TSPAN9: variants seen among roughly 807,000 people sequenced by gnomAD.
TSPAN9 encodes the protein tetraspanin-9.
TSPAN9 carries 16 observed loss-of-function variants against 31.0 expected under a neutral mutation model. The ratio of observed to expected loss-of-function variants is 0.52; its 90% CI spans 0.35 to 0.78. The LOEUF (loss-of-function observed/expected upper bound fraction) is 0.78, where lower values mean the gene tolerates loss of function less well. Among genes scored for constraint, TSPAN9 ranks in the 30% least tolerant of loss-of-function variants. TSPAN9 has a pLI of 0.01. For synonymous variants in TSPAN9, 145 were observed against 121.6 expected, an observed-to-expected ratio of 1.19 and a Z score of -1.27; for missense variants, 272 against 312.5, an observed-to-expected ratio of 0.87 and a Z score of 0.98.
intron 2 of TSPAN9, among the ~76,000 whole-genome samples, chr12:3,154,546 G>A (rs1277745479): frequency 6.6e-6 from 1 of 152,182 alleles, no homozygotes; most frequent in Non-Finnish European, 1.5e-5. Flanking sequence ...AGCGATAACA[G>A]CCCAGGGTTG....
intron 2 of TSPAN9, among the ~76,000 whole-genome samples, chr12:3,128,572 C>A (rs909423687): frequency 6.6e-6 from 1 of 152,148 alleles, no homozygotes; most frequent in Non-Finnish European, 1.5e-5. Flanking sequence ...CCTGCCCCAA[C>A]AAAAGCCCCA....
At chr12:3,167,681 A>AAGTC (rs2098349257) in intron 2 of TSPAN9, among the ~76,000 whole-genome samples, 2 of 152,232 alleles carry the variant, frequency 1.3e-5, no homozygotes, top group African/African-American at 4.8e-5. Flanking sequence ...AAGTCCAGGC[A>AAGTC]ACTGCTGCCT....
intron 2 of TSPAN9, among the ~76,000 whole-genome samples, chr12:3,198,724 TCACCACCAGCACAGGC>T (rs2098369137): frequency 5.4e-4 from 1 of 1,856 alleles, no homozygotes; most frequent in Non-Finnish European, 1.5e-3. Flanking sequence ...CCAGCACAGC[TCACCACCAGCACAGGC>T]CACCACCAGC....
chr12:3,135,985 G>T (rs2153967327), intron 2 of TSPAN9, among the ~76,000 whole-genome samples: 1 of 152,286 alleles, frequency 6.6e-6, no homozygotes, highest in South Asian at 2.1e-4. Context: ...GGGTCCAGAA[G>T]CCGAGACCCA....
At chr12:3,278,720 G>T in intron 4 of TSPAN9, 108 bp downstream of exon 4, 1 of 1,435,838 alleles carries the variant, frequency 7.0e-7, no homozygotes, top group African/African-American at 1.4e-5. Context: ...TCCAACCTGA[G>T]CCCAGGGAAA....
In TSPAN9 at chr12:3,172,499, A is replaced by C. The variant is rs1432319881; in HGVS notation, c.-17-28678A>C. 6.6e-6 allele frequency: 1 copy of C among 152,172 alleles called. No individual in the cohort carries two copies. The highest frequency in any genetic ancestry group is 1.5e-5 in the Non-Finnish European group (1 of 68,028). The allele number at this position is 152,172 out of a possible 1,614,324, so 9.4% of individuals were successfully genotyped here. The stretch of plus-strand genomic sequence containing the variant: ...GGTGCTCGTGTCACTCACCGGGGGA[A>C]CTTAAACGCCGCTTGCTGAGTCCCA... On this transcript the variant is annotated intron_variant, in intron 2 of 8. Coordinates refer to ENST00000011898, the MANE Select transcript of TSPAN9 (RefSeq NM_006675.5). The surrounding 1 kb of genome is among the most constrained non-coding windows in gnomAD (Gnocchi z 4.8).
chr12:3,235,182 CAAAAAAAAAAAAAAAAAAAA>C (rs1175957854), intron 3 of TSPAN9, among the ~76,000 whole-genome samples: 11 of 10,990 alleles, frequency 1.0e-3, no homozygotes, highest in African/African-American at 4.0e-3. Flanking sequence ...GACTCCGTCT[CAAAAAAAAAAAAAAAAAAAA>C]AAAAAAAAAA....
At chr12:3,131,293 G>T (rs1189771647) in intron 2 of TSPAN9, among the ~76,000 whole-genome samples, 1 of 152,134 alleles carries the variant, frequency 6.6e-6, no homozygotes, top group Non-Finnish European at 1.5e-5. Context: ...GAGGTCACAT[G>T]CAAGCAAGCG....
intron 2 of TSPAN9, among the ~76,000 whole-genome samples, chr12:3,138,216 C>T (rs2098332979): frequency 6.6e-6 from 1 of 152,190 alleles, no homozygotes; most frequent in South Asian, 2.1e-4. Context: ...GCGGGTGTAG[C>T]TGGCACACCT....
chr12:3,157,201 G>T (rs2098342704), intron 2 of TSPAN9, among the ~76,000 whole-genome samples: 1 of 151,228 alleles, frequency 6.6e-6, no homozygotes, highest in Non-Finnish European at 1.5e-5. Flanking sequence ...CTGGGTTCAC[G>T]CCATTCTCCT....
intron 2 of TSPAN9, among the ~76,000 whole-genome samples, chr12:3,160,773 T>G (rs2098344674): frequency 6.6e-6 from 1 of 152,236 alleles, no homozygotes; most frequent in South Asian, 2.1e-4. Flanking sequence ...TTTGTTTATT[T>G]TAAAATTGGG....
At chr12:3,184,027 A>C (rs1468514607) in intron 2 of TSPAN9, among the ~76,000 whole-genome samples, 1 of 152,106 alleles carries the variant, frequency 6.6e-6, no homozygotes, top group Non-Finnish European at 1.5e-5. Flanking sequence ...GATTGAAGCC[A>C]GGGAAGGGAG....
intron 3 of TSPAN9, among the ~76,000 whole-genome samples, chr12:3,227,004 ACT>A (rs2098388217): frequency 6.7e-6 from 1 of 150,330 alleles, no homozygotes; most frequent in African/African-American, 2.5e-5. Context: ...TTAGTGAGAT[ACT>A]GAGTGCAGAG....
At chr12:3,230,840 C>A (rs898635045) in intron 3 of TSPAN9, among the ~76,000 whole-genome samples, 8 of 152,084 alleles carry the variant, frequency 5.3e-5, no homozygotes, top group Non-Finnish European at 7.4e-5. Context: ...GCTCACCTGT[C>A]CTCGGCCCCC....
chr12:3,128,072 G>A (rs1259455840), intron 2 of TSPAN9, among the ~76,000 whole-genome samples: 1 of 152,182 alleles, frequency 6.6e-6, no homozygotes, highest in African/African-American at 2.4e-5. Context: ...GTAATCTTAG[G>A]GGACCACTGT....
At chr12:3,080,168 ACT>A (rs2098297201) in intron 1 of TSPAN9, among the ~76,000 whole-genome samples, 1 of 150,854 alleles carries the variant, frequency 6.6e-6, no homozygotes, top group Non-Finnish European at 1.5e-5. Context: ...CCTCTTTCCA[ACT>A]CTCTGTTTTG....
At chr12:3,171,786 G>A (rs2098351965) in intron 2 of TSPAN9, 1 of 152,216 alleles carries the variant, frequency 6.6e-6, no homozygotes, top group African/African-American at 2.4e-5. Context: ...TGACCAGATG[G>A]TGGTTCTGCA....
At chr12:3,238,472 A>G (rs2098394934) in intron 3 of TSPAN9, among the ~76,000 whole-genome samples, 1 of 152,114 alleles carries the variant, frequency 6.6e-6, no homozygotes, top group Non-Finnish European at 1.5e-5. Flanking sequence ...AATGTCATTG[A>G]GTTTATTAGG....
chr12:3,112,473 G>A (rs2098319477), intron 2 of TSPAN9, among the ~76,000 whole-genome samples: 1 of 151,892 alleles, frequency 6.6e-6, no homozygotes, highest in South Asian at 2.1e-4. Flanking sequence ...ACCGCGCCTG[G>A]CCTGTAATGT....
Sources: allele counts gnomAD v4.1 joint callset (sites outside exome capture counted in the v4.1 genomes callset), GRCh38; gene constraint gnomAD v4.1.1; non-coding constraint Gnocchi (gnomAD v3.1); transcripts MANE v1.5; gene names NCBI Gene and HGNC (gene_info 2026-07-23, HGNC 2026-07-21).